Variants in DLC1 observed in about 807,000 individuals in gnomAD.
The protein encoded by DLC1 is DLC1 Rho GTPase activating protein.
A neutral mutation model predicts 140.3 loss-of-function variants in DLC1; 54 were observed. The observed-to-expected ratio is 0.38, with a 90% CI of 0.31 to 0.48. The LOEUF (loss-of-function observed/expected upper bound fraction) is 0.48. Among genes scored for constraint, DLC1 ranks in the 20% least tolerant of loss-of-function variants. The pLI, the probability that DLC1 is intolerant of heterozygous loss-of-function variation, is 0.96. For synonymous variants in DLC1, 986 were observed against 728.1 expected (o/e 1.35, Z -5.70); for missense variants, 2,536 against 1,907.0 (o/e 1.33, Z -6.14).
rs867974494 is a variant in DLC1, at chr8:13,579,551, T to C, written c.-126+24986A>G. On this transcript the variant is annotated intron_variant, in intron 1 of 1. Coordinates refer to the DLC1 transcript ENST00000631382. ...ATTTTATATTATATATTTAATATAT[T>C]ATATTTTATATTATATATTTAATAT... Among the ~76,000 whole-genome samples, 17 of 82,936 alleles carry C rather than the reference T, an allele frequency of 2.0e-4. 1 individual carries two copies. The highest frequency in any genetic ancestry group is 1.1e-3 in the South Asian group (4 of 3,634). 54.4% of individuals were successfully genotyped at this position (82,936 alleles called of 152,430 possible).
intron 1 of DLC1, among the ~76,000 whole-genome samples, chr8:13,508,971 A>T (rs1802234774): frequency 2.0e-5 from 3 of 152,082 alleles, no homozygotes. Context: ...ATCTTGTTTC[A>T]CTTGAAATTT....
At chr8:13,212,436 T>C (rs756177704) in intron 5 of DLC1, among the ~76,000 whole-genome samples, 15 of 152,230 alleles carry the variant, frequency 9.9e-5, no homozygotes, top group Non-Finnish European at 2.1e-4. Flanking sequence ...TTTATTGCTA[T>C]GTCTCTAGTG....
chr8:13,303,397 A>G (rs941640802), intron 5 of DLC1, among the ~76,000 whole-genome samples: 12 of 152,138 alleles, frequency 7.9e-5, no homozygotes, highest in African/African-American at 2.9e-4. Flanking sequence ...TTATGTAAGG[A>G]GGGACAGTTG....
chr8:13,496,023 C>G (rs940293932), intron 2 of DLC1, among the ~76,000 whole-genome samples: 3 of 152,186 alleles, frequency 2.0e-5, no homozygotes, highest in African/African-American at 4.8e-5. Context: ...ATTGATTTCA[C>G]TTTTCCAAGT....
intron 5 of DLC1, among the ~76,000 whole-genome samples, chr8:13,149,895 C>T (rs1823685926): frequency 6.6e-6 from 1 of 152,236 alleles, no homozygotes; most frequent in African/African-American, 2.4e-5. Flanking sequence ...AAATGAATTA[C>T]TCTCAAAATC....
intron 1 of DLC1, chr8:13,568,379 G>A (rs1426813916): frequency 1.7e-5 from 3 of 172,992 alleles, no homozygotes; most frequent in African/African-American, 7.2e-5. Flanking sequence ...TGGAACTGTT[G>A]AAGAGTATGA....
rs995737122 is a variant in DLC1 at position 13,374,588 on chromosome 8, G to A, written c.1314+18965C>T. Among the ~76,000 whole-genome samples, 9 of 152,218 alleles carry A rather than the reference G, an allele frequency of 5.9e-5. No homozygotes were observed. The South Asian group carries it at 6.2e-4, about 11-fold the overall frequency. On this transcript the variant is annotated intron_variant, in intron 4 of 17. Coordinates refer to ENST00000276297, the MANE Select transcript of DLC1 (RefSeq NM_182643.3). The stretch of plus-strand genomic sequence containing the variant: ...TCATGAGGTCAGGAGTTTGAGACCC[G>A]CGTGGCCAACATGGTGAAACCCCAT...
intron 4 of DLC1, among the ~76,000 whole-genome samples, chr8:13,346,344 C>T (rs919116628): frequency 6.6e-6 from 1 of 152,174 alleles, no homozygotes; most frequent in Non-Finnish European, 1.5e-5. Context: ...AACATTTGTT[C>T]ATAATTGTAG....
intron 5 of DLC1, among the ~76,000 whole-genome samples, chr8:13,151,229 C>T (rs763311866): frequency 3.3e-5 from 5 of 152,210 alleles, no homozygotes; most frequent in Non-Finnish European, 5.9e-5. Context: ...CAGTCTTCCT[C>T]ACTCTGTCAA....
chr8:13,267,370 G>A (rs1037669567), intron 5 of DLC1, among the ~76,000 whole-genome samples: 7 of 149,918 alleles, frequency 4.7e-5, no homozygotes, highest in Non-Finnish European at 7.4e-5. Flanking sequence ...CAATAACACT[G>A]TCTAGACCTC....
In DLC1 at chr8:13,201,921, GTTT is replaced by G. The variant is rs35475930; in HGVS notation, c.1349-86267_1349-86265del. Among the ~76,000 whole-genome samples, 288 of 101,762 alleles carry G rather than the reference GTTT, an allele frequency of 2.8e-3. 1 individual carries two copies. The highest frequency in any genetic ancestry group is 0.01 in the African/African-American group (276 of 27,560). The allele number at this position is 101,762 out of a possible 152,430, so 66.8% of individuals were successfully genotyped here. On this transcript the variant is annotated intron_variant, in intron 5 of 17. Coordinates refer to ENST00000276297, the MANE Select transcript of DLC1 (RefSeq NM_182643.3). The stretch of plus-strand genomic sequence containing the variant: ...AGGTACTAAGTCTAGTACCCAAAAG[GTTT>G]TTTTTTTTTTTTTTTTTTTGGTTGG...
At chr8:13,144,685 A>T (rs1399868496) in intron 5 of DLC1, among the ~76,000 whole-genome samples, 1 of 152,182 alleles carries the variant, frequency 6.6e-6, no homozygotes, top group Non-Finnish European at 1.5e-5. Context: ...GAATGGTGTG[A>T]ACCAGAGAGG....
intron 5 of DLC1, among the ~76,000 whole-genome samples, chr8:13,164,319 T>C (rs1470530544): frequency 1.1e-4 from 16 of 148,062 alleles, no homozygotes; most frequent in Admixed American, 1.0e-3. Context: ...TCTCTATATC[T>C]ATCTATCTAT....
At chr8:13,096,199 G>A (rs1488563561) in intron 10 of DLC1, 1 of 152,168 alleles carries the variant, frequency 6.6e-6, no homozygotes, top group Non-Finnish European at 1.5e-5. Flanking sequence ...TTTTACAGTT[G>A]GTTTTGAGTC....
Position 13,565,828 on chromosome 8 carries a change from A to G in DLC1, c.-126+38709T>C, listed in dbSNP as rs1585280572. The stretch of plus-strand genomic sequence containing the variant: ...AGTCCATCTCTAGAGTTAACATTTT[A>G]TAATTTCTCACGATAATTAATAAAA... On this transcript the variant is annotated intron_variant, in intron 1 of 1. Coordinates refer to the DLC1 transcript ENST00000631382. Among the ~76,000 whole-genome samples, 4 of 152,348 alleles carry G rather than the reference A, an allele frequency of 2.6e-5. No individual in the cohort carries two copies. In the South Asian group the frequency reaches 6.2e-4, roughly 24 times the overall value.
chr8:13,541,386 A>G (rs1449814935), intron 1 of DLC1, among the ~76,000 whole-genome samples: 1 of 152,216 alleles, frequency 6.6e-6, no homozygotes, highest in African/African-American at 2.4e-5. Flanking sequence ...AACTGTTCCA[A>G]TGTGGCTGAA....
chr8:13,385,257 C>T (rs970649228), intron 4 of DLC1, among the ~76,000 whole-genome samples: 5 of 152,010 alleles, frequency 3.3e-5, no homozygotes, highest in African/African-American at 1.2e-4. Flanking sequence ...ATAAAGAAAA[C>T]AACAACAGTA....
intron 5 of DLC1, among the ~76,000 whole-genome samples, chr8:13,225,098 G>T (rs548250952): frequency 2.2e-4 from 33 of 152,266 alleles, no homozygotes; most frequent in African/African-American, 7.5e-4. Flanking sequence ...TGTTTGATAG[G>T]GCAGAAATGT....
intron 5 of DLC1, among the ~76,000 whole-genome samples, chr8:13,251,304 G>A (rs1255788709): frequency 6.6e-6 from 1 of 152,102 alleles, no homozygotes; most frequent in Admixed American, 6.6e-5. Context: ...ACTGCAGGCT[G>A]ATGGGGCAGG....
Sources: gnomAD v4.1 joint callset for allele counts (sites outside exome capture counted in the v4.1 genomes callset) on GRCh38, gnomAD v4.1.1 for gene constraint, MANE v1.5 for transcripts, NCBI Gene and HGNC (gene_info 2026-07-23, HGNC 2026-07-21) for gene names.